MACROD2: variants seen among roughly 807,000 people sequenced by gnomAD.
The protein encoded by MACROD2 is ADP-ribose glycohydrolase MACROD2.
MACROD2 carries 36 observed loss-of-function variants against 70.4 expected under a neutral mutation model. The ratio of observed to expected loss-of-function variants is 0.51; its 90% confidence interval spans 0.39 to 0.68. The LOEUF (loss-of-function observed/expected upper bound fraction) is 0.68, where lower values mean the gene tolerates loss of function less well. MACROD2 is among the 30% of genes least tolerant of loss of function. The probability of loss-of-function intolerance (pLI) is 0.00; values close to 1 mark genes in which losing one functional copy is unlikely to be tolerated. For synonymous variants in MACROD2, 172 were observed against 178.8 expected (o/e 0.96, Z 0.30); for missense variants, 496 against 538.4 (o/e 0.92, Z 0.78).
chr20:16,004,833 G>A (rs566082563), intron 15 of MACROD2, among the ~76,000 whole-genome samples: 2 of 152,204 alleles, frequency 1.3e-5, no homozygotes, highest in African/African-American at 2.4e-5. Flanking sequence ...GCACAAGAGC[G>A]CCTGTCTGGC....
At chr20:14,118,040 C>G (rs1330916071) in intron 3 of MACROD2, among the ~76,000 whole-genome samples, 3 of 152,154 alleles carry the variant, frequency 2.0e-5, no homozygotes, top group Non-Finnish European at 4.4e-5. Flanking sequence ...GTACAGTTTT[C>G]TCTGTACTTC....
intron 5 of MACROD2, among the ~76,000 whole-genome samples, chr20:15,133,495 T>C (rs1485149393): frequency 6.6e-6 from 1 of 152,090 alleles, no homozygotes; most frequent in Non-Finnish European, 1.5e-5. Context: ...TATACCCACA[T>C]TGTTTGGCAA....
In MACROD2 at chr20:14,027,097, T is replaced by A. The variant is rs185355581; in HGVS notation, c.163+24693T>A. Among the ~76,000 whole-genome samples, 1,098 of 152,354 alleles carry A rather than the reference T, an allele frequency of 7.2e-3. 11 individuals carry two copies. The highest frequency in any genetic ancestry group is 0.024 in the African/African-American group (998 of 41,586). On this transcript the variant is annotated intron_variant, in intron 2 of 17. Transcript: ENST00000684519. ...CTCCCTTCACTTTCAGGTACACCAATCAAACGTAGGTTTGGTCTTTTCACA... is the reference window on the plus strand; with the variant it reads ...CTCCCTTCACTTTCAGGTACACCAAACAAACGTAGGTTTGGTCTTTTCACA...
At chr20:15,343,389 G>A (rs1010814895) in intron 6 of MACROD2, among the ~76,000 whole-genome samples, 1 of 152,154 alleles carries the variant, frequency 6.6e-6, no homozygotes, top group Non-Finnish European at 1.5e-5. Context: ...TGTTGGAATG[G>A]CATGTTTATC....
intron 15 of MACROD2, among the ~76,000 whole-genome samples, chr20:15,988,932 G>A (rs2066521354): frequency 6.6e-6 from 1 of 152,114 alleles, no homozygotes; most frequent in Non-Finnish European, 1.5e-5. Flanking sequence ...GGAAAAGGAG[G>A]CAATGTAGAT....
chr20:14,196,013 C>T (rs1246149087), intron 3 of MACROD2, among the ~76,000 whole-genome samples: 1 of 152,160 alleles, frequency 6.6e-6, no homozygotes, highest in Non-Finnish European at 1.5e-5. Flanking sequence ...AACACACACC[C>T]ACTGGGGCTT....
chr20:14,896,473 G>A (rs2073831469), intron 5 of MACROD2, among the ~76,000 whole-genome samples: 1 of 152,080 alleles, frequency 6.6e-6, no homozygotes, highest in Non-Finnish European at 1.5e-5. Flanking sequence ...CGTAGTTACA[G>A]TTCTGAAAGG....
At chr20:15,135,086 A>G (rs1237613369) in intron 5 of MACROD2, among the ~76,000 whole-genome samples, 3 of 152,044 alleles carry the variant, frequency 2.0e-5, no homozygotes, top group South Asian at 2.1e-4. Flanking sequence ...CTTACCAACC[A>G]AAAAGAGTCC....
intron 10 of MACROD2, among the ~76,000 whole-genome samples, chr20:15,917,669 CTG>C (rs756608577): frequency 4.7e-4 from 71 of 152,266 alleles, no homozygotes; most frequent in Non-Finnish European, 8.5e-4. Context: ...AAAGCCTTTT[CTG>C]TGTGTCTTTA....
chr20:14,289,147 G>A (rs2082366352), intron 3 of MACROD2, among the ~76,000 whole-genome samples: 1 of 152,092 alleles, frequency 6.6e-6, no homozygotes, highest in Non-Finnish European at 1.5e-5. Context: ...GGTAGAACTG[G>A]GGGACTCTAT....
At chr20:15,203,326 T>G (rs998452079) in intron 5 of MACROD2, among the ~76,000 whole-genome samples, 50 of 152,120 alleles carry the variant, frequency 3.3e-4, no homozygotes, top group African/African-American at 1.1e-3. Flanking sequence ...CAATGGTTTA[T>G]TTTCATAAAT....
At chr20:14,370,596 T>TA (rs1223531083) in intron 3 of MACROD2, among the ~76,000 whole-genome samples, 1 of 152,146 alleles carries the variant, frequency 6.6e-6, no homozygotes, top group East Asian at 1.9e-4. Context: ...GGTCAGAACT[T>TA]AGTTTTAATT....
intron 5 of MACROD2, among the ~76,000 whole-genome samples, chr20:14,706,905 A>G (rs1406637862): frequency 6.6e-6 from 1 of 152,174 alleles, no homozygotes; most frequent in African/African-American, 2.4e-5. Context: ...AATATGGTAA[A>G]TAAATAAATA....
intron 6 of MACROD2, among the ~76,000 whole-genome samples, chr20:15,331,959 C>A (rs1025492121): frequency 6.6e-6 from 1 of 151,382 alleles, no homozygotes; most frequent in Non-Finnish European, 1.5e-5. Context: ...TATATATCGA[C>A]CTGAAAGTGT....
intron 13 of MACROD2, among the ~76,000 whole-genome samples, chr20:15,982,657 GCT>G (rs2066418247): frequency 1.3e-5 from 2 of 152,280 alleles, no homozygotes; most frequent in African/African-American, 4.8e-5. Context: ...GTTAAACTGG[GCT>G]CTCTGATACC....
Position 14,076,798 on chromosome 20 carries a change from A to T in MACROD2, c.164-8823A>T, listed in dbSNP as rs144614329. 2.3e-3 allele frequency among the ~76,000 whole-genome samples: 356 copies of T among 152,280 alleles called. 3 individuals are homozygous for T. The highest frequency in any genetic ancestry group is 8.3e-3 in the African/African-American group (343 of 41,532). ...TAATGACTTGTCAGCGTTAAGTATA[A>T]TGTGGGCATGTTTTTATTCTACTTA... On this transcript the variant is annotated intron_variant, in intron 2 of 17. Coordinates refer to ENST00000684519, the MANE Select transcript of MACROD2 (RefSeq NM_001351661.2).
At chr20:14,981,099 G>C (rs1465678218) in intron 5 of MACROD2, among the ~76,000 whole-genome samples, 1 of 151,170 alleles carries the variant, frequency 6.6e-6, no homozygotes, top group African/African-American at 2.4e-5. Context: ...TAAGAGTTTG[G>C]GGGAATGCCC....
intron 3 of MACROD2, among the ~76,000 whole-genome samples, chr20:14,261,988 G>T (rs1788696935): frequency 6.6e-6 from 1 of 152,034 alleles, no homozygotes; most frequent in African/African-American, 2.4e-5. Flanking sequence ...CAAGATAAAA[G>T]AAAGCAAAGC....
At chr20:15,282,900 A>C (rs1189639246) in intron 6 of MACROD2, among the ~76,000 whole-genome samples, 1 of 152,162 alleles carries the variant, frequency 6.6e-6, no homozygotes, top group Non-Finnish European at 1.5e-5. Flanking sequence ...AAACTGGGTA[A>C]TTTATAAAGG....
Sources: gnomAD v4.1 joint callset for allele counts (sites outside exome capture counted in the v4.1 genomes callset) on GRCh38, gnomAD v4.1.1 for gene constraint, MANE v1.5 for transcripts, NCBI Gene and HGNC (gene_info 2026-07-23, HGNC 2026-07-21) for gene names.